Variants in ASIC1 observed in about 807,000 individuals in gnomAD.
The protein encoded by ASIC1 is acid sensing ion channel subunit 1.
A neutral mutation model predicts 63.4 loss-of-function variants in ASIC1; 21 were observed. The observed-to-expected ratio is 0.33, with a 90% CI of 0.23 to 0.48. The LOEUF (loss-of-function observed/expected upper bound fraction) is 0.48, where lower values mean the gene tolerates loss of function less well. ASIC1 is among the 20% of genes least tolerant of loss of function. The pLI is 0.99. For missense variants in ASIC1, 478 were observed against 695.5 expected, an observed-to-expected ratio of 0.69 and a Z score of 3.52; for synonymous variants, 258 against 278.2, an observed-to-expected ratio of 0.93 and a Z score of 0.72.
In ASIC1 at chr12:50,059,199, C is replaced by A; in HGVS notation, c.362+71C>A. On this transcript the variant is annotated intron_variant, in intron 2 of 11. Coordinates refer to ENST00000447966, the MANE Select transcript of ASIC1 (RefSeq NM_001095.4). The surrounding 1 kb of genome is among the most constrained non-coding windows in gnomAD (Gnocchi z 4.6). ...GAGTTCCAGTCAGGATGTCTGCCTCCCTGACCCACCATAGAGCCCAGCCAA... is the reference window on the plus strand; with the variant it reads ...GAGTTCCAGTCAGGATGTCTGCCTCACTGACCCACCATAGAGCCCAGCCAA... The A allele has an allele frequency of 6.4e-7, 1 of 1,566,052 alleles. No individual in the cohort carries two copies. Among genetic ancestry groups the A allele is most frequent in the Non-Finnish European group, 8.6e-7 (1 of 1,160,162 alleles).
chr12:50,063,665 C>A (rs1950520852), intron 3 of ASIC1, among the ~76,000 whole-genome samples: 1 of 152,092 alleles, frequency 6.6e-6, no homozygotes, highest in South Asian at 2.1e-4. Flanking sequence ...GCCTCCCCTG[C>A]AATCCACTGC....
chr12:50,073,717 G>C, intron 3 of ASIC1: 1 of 1,536,568 alleles, frequency 6.5e-7, no homozygotes, highest in South Asian at 1.2e-5. Flanking sequence ...GGAGGAAGAA[G>C]AGAAGGAAAA....
At chr12:50,058,700 G>A in intron 1 of ASIC1, 51 bp from the exon 2 acceptor site, 1 of 1,523,492 alleles carries the variant, frequency 6.6e-7, no homozygotes. Context: ...GGGGCTCCAT[G>A]TGTACTTTCA....
rs980487957 is a variant in ASIC1, at chr12:50,078,765, G to A, written c.995-159G>A. On this transcript the variant is annotated intron_variant, in intron 6 of 11. Coordinates refer to ENST00000447966, the MANE Select transcript of ASIC1 (RefSeq NM_001095.4). The surrounding 1 kb of genome is among the most constrained non-coding windows in gnomAD (Gnocchi z 6.0). ...GGGATGGGTGGGAAGGGTCTAGAAG[G>A]TATGGACCTGGAGTGGGTCACTTCT... 6.1e-6 allele frequency: 8 copies of A among 1,305,980 alleles called. No individual in the cohort carries two copies. In the East Asian group the frequency reaches 1.6e-4, roughly 26 times the overall value. The allele number at this position is 1,305,980 out of a possible 1,614,324, so 80.9% of individuals were successfully genotyped here.
chr12:50,066,611 A>G (rs969497062), intron 3 of ASIC1, among the ~76,000 whole-genome samples: 3 of 152,160 alleles, frequency 2.0e-5, no homozygotes, highest in Non-Finnish European at 4.4e-5. Flanking sequence ...ATACCAGGGC[A>G]GCTTAGTATC....
chr12:50,063,912 C>A (rs1363089188), intron 3 of ASIC1, among the ~76,000 whole-genome samples: 4 of 152,122 alleles, frequency 2.6e-5, no homozygotes, highest in East Asian at 1.9e-4. Context: ...GAAGCTCAGA[C>A]CAGAAGTCCC....
chr12:50,058,702 G>T (rs1161037558), intron 1 of ASIC1, 49 bp from the exon 2 acceptor site: 1 of 1,523,976 alleles, frequency 6.6e-7, no homozygotes, highest in East Asian at 2.3e-5. Flanking sequence ...GGCTCCATGT[G>T]TACTTTCATC....
chr12:50,067,573 T>A (rs752410575), intron 3 of ASIC1, among the ~76,000 whole-genome samples: 11 of 152,158 alleles, frequency 7.2e-5, no homozygotes, highest in Non-Finnish European at 1.2e-4. Flanking sequence ...CATGCGCGGC[T>A]ATTTTTTTGT....
At chr12:50,077,469 C>T in intron 4 of ASIC1, 106 bp downstream of exon 4, 4 of 1,464,390 alleles carry the variant, frequency 2.7e-6, no homozygotes, top group Non-Finnish European at 2.8e-6. Context: ...CGGGCTTTCC[C>T]CTCTCCCTCC....
intron 3 of ASIC1, among the ~76,000 whole-genome samples, chr12:50,062,962 C>T (rs757715108): frequency 6.6e-5 from 10 of 152,152 alleles, no homozygotes; most frequent in Non-Finnish European, 7.4e-5. Context: ...GGAAATCCTT[C>T]GGGACTGAAG....
rs747846595 is a variant in ASIC1, at chr12:50,078,993, G to A, written c.1051+13G>A. 5.0e-6 allele frequency: 8 copies of A among 1,612,868 alleles called. No individual in the cohort carries two copies. The East Asian group carries it at 1.8e-4, about 36-fold the overall frequency. On this transcript the variant is annotated intron_variant, in intron 7 of 11. Transcript: ENST00000447966. This position sits in a 1 kb window ranked among gnomAD's most constrained non-coding sequence, Gnocchi z 6.0. ...GATCCTGCTCTGGGTGAGCGCCCCT[G>A]GCCTGGGGCAGTCTGGGGGAGGGAA...
At chr12:50,080,141 A>T in intron 8 of ASIC1, 86 bp downstream of exon 8, 7 of 1,474,066 alleles carry the variant, frequency 4.7e-6, no homozygotes, top group Non-Finnish European at 6.4e-6. Context: ...GGGGGCTGGC[A>T]GGCAGGGGGA....
intron 3 of ASIC1, chr12:50,076,798 A>G (rs972234654): frequency 1.7e-4 from 62 of 367,500 alleles, no homozygotes; most frequent in Middle Eastern, 1.6e-3. Flanking sequence ...GAAGAAGCAC[A>G]AAAGAAGACA....
intron 3 of ASIC1, among the ~76,000 whole-genome samples, chr12:50,061,167 T>C (rs979923570): frequency 1.3e-5 from 2 of 152,236 alleles, no homozygotes; most frequent in Non-Finnish European, 2.9e-5. Flanking sequence ...TTCTCTTCCT[T>C]CTTCCTGCCT....
intron 7 of ASIC1, among the ~76,000 whole-genome samples, chr12:50,079,338 G>C (rs1358808793): frequency 6.6e-6 from 1 of 152,226 alleles, no homozygotes; most frequent in Non-Finnish European, 1.5e-5. Context: ...TCCTTGAACC[G>C]GGGAGGTGAG....
At chr12:50,077,385 C>T (rs201238506) in intron 4 of ASIC1, 22 bp downstream of exon 4, 6 of 1,613,804 alleles carry the variant, frequency 3.7e-6, no homozygotes, top group Non-Finnish European at 5.1e-6. Flanking sequence ...ACTTCAGGGG[C>T]CCCTCTGCAT....
chr12:50,058,722 T>C (rs147803844), intron 1 of ASIC1, 29 bp from the exon 2 acceptor site: 2 of 1,544,506 alleles, frequency 1.3e-6, no homozygotes, highest in African/African-American at 1.4e-5. Context: ...CCCAGGACAA[T>C]GATAGACTGT....
intron 3 of ASIC1, among the ~76,000 whole-genome samples, chr12:50,060,689 G>A (rs1227369523): frequency 1.3e-5 from 2 of 152,204 alleles, no homozygotes; most frequent in Non-Finnish European, 2.9e-5. Flanking sequence ...AGATGTGGCT[G>A]CCTCAGGCCA....
At chr12:50,068,691 A>T (rs1950569351) in intron 3 of ASIC1, among the ~76,000 whole-genome samples, 1 of 150,868 alleles carries the variant, frequency 6.6e-6, no homozygotes, top group African/African-American at 2.4e-5. Flanking sequence ...CTTACCTCCC[A>T]AACTAGTTCT....
Sources: allele counts gnomAD v4.1 joint callset (sites outside exome capture counted in the v4.1 genomes callset), GRCh38; gene constraint gnomAD v4.1.1; non-coding constraint Gnocchi (gnomAD v3.1); transcripts MANE v1.5; gene names NCBI Gene and HGNC (gene_info 2026-07-23, HGNC 2026-07-21).